SLC7A11: variants seen among roughly 807,000 people sequenced by gnomAD.
SLC7A11 encodes the protein solute carrier family 7 member 11.
Under a neutral mutation model 54.5 loss-of-function variants are expected in SLC7A11, and 35 were observed. The ratio of observed to expected loss-of-function variants is 0.64; its 90% CI spans 0.49 to 0.85. SLC7A11 has a LOEUF of 0.85. Among genes scored for constraint, SLC7A11 ranks in the 40% least tolerant of loss-of-function variants. SLC7A11 has a pLI of 0.00. For synonymous variants in SLC7A11, 230 were observed against 225.2 expected (o/e 1.02, Z -0.19); for missense variants, 583 against 618.1 (o/e 0.94, Z 0.60).
At position 138,171,869 on chromosome 4, in the gene SLC7A11, A is replaced by G; in HGVS notation, c.*87T>C. 6.6e-7 allele frequency: 1 copy of G among 1,510,260 alleles called. No individual in the cohort carries two copies. The highest frequency in any genetic ancestry group is 8.8e-7 in the Non-Finnish European group (1 of 1,133,192). The allele number at this position is 1,510,260 out of a possible 1,614,324, so 93.6% of individuals were successfully genotyped here. On this transcript the variant is annotated 3_prime_UTR_variant, in exon 12 of 12. Coordinates refer to ENST00000280612, the MANE Select transcript of SLC7A11 (RefSeq NM_014331.4). Reference sequence around the variant, plus strand: ...TCCTTTTGTTTATCACCAAAGTTGTAATTCTCTAGACTTTCAGAAAATGAA... The same window carrying G: ...TCCTTTTGTTTATCACCAAAGTTGTGATTCTCTAGACTTTCAGAAAATGAA...
intron 6 of SLC7A11, among the ~76,000 whole-genome samples, chr4:138,210,828 G>A (rs776468888): frequency 6.6e-6 from 1 of 151,990 alleles, no homozygotes; most frequent in Non-Finnish European, 1.5e-5. Flanking sequence ...TCTGTGGAAA[G>A]AAGTTGCGAG....
At chr4:138,172,145 G>A in intron 11 of SLC7A11, 128 bp from the exon 12 acceptor site, 6 of 942,664 alleles carry the variant, frequency 6.4e-6, no homozygotes, top group Non-Finnish European at 8.8e-6. Flanking sequence ...GCACTTTCAA[G>A]AATTATTTAC....
rs1364984898 is a variant in SLC7A11 at position 138,179,330 on chromosome 4, T to C, written c.1331A>G (p.Tyr444Cys). The C allele has an allele frequency of 6.2e-7, 1 of 1,612,574 alleles. No individual in the cohort carries two copies. The highest frequency in any genetic ancestry group is 1.1e-5 in the South Asian group (1 of 91,022). Residue 444 changes from tyrosine to cysteine, a missense_variant, in exon 11 of 12, where the codon TAT (tyrosine) becomes TGT (cysteine). Physicochemically the swap from Tyr to Cys is radical, Grantham distance 194. Coordinates refer to ENST00000280612, the MANE Select transcript of SLC7A11 (RefSeq NM_014331.4). ...TCLFMVALSL[Y>C]SDPFSTGIGF... The stretch of plus-strand genomic sequence containing the variant: ...AATCCCTGTACTAAATGGGTCCGAA[T>C]AGAGGGAAAGGGCAACCATGAAGAG...
At chr4:138,237,262 CAGGTGTG>C (rs1738235188) in intron 1 of SLC7A11, among the ~76,000 whole-genome samples, 4 of 152,038 alleles carry the variant, frequency 2.6e-5, no homozygotes, top group Admixed American at 2.6e-4. Flanking sequence ...TCTGGGATTA[CAGGTGTG>C]AGCCACTGTG....
intron 10 of SLC7A11, among the ~76,000 whole-genome samples, chr4:138,179,877 A>G (rs1477058742): frequency 6.6e-6 from 1 of 152,174 alleles, no homozygotes; most frequent in African/African-American, 2.4e-5. Context: ...GAATAAAACA[A>G]GCCAACTCCT....
At chr4:138,188,330 T>G (rs1736925756) in intron 6 of SLC7A11, among the ~76,000 whole-genome samples, 1 of 152,304 alleles carries the variant, frequency 6.6e-6, no homozygotes, top group Admixed American at 6.5e-5. Context: ...ACCAAAGTGA[T>G]GGGATTACAG....
intron 1 of SLC7A11, among the ~76,000 whole-genome samples, chr4:138,239,239 C>T (rs1007613615): frequency 1.3e-5 from 2 of 152,116 alleles, no homozygotes; most frequent in African/African-American, 4.8e-5. Flanking sequence ...CCTCTATATG[C>T]TTTACTGAAA....
At chr4:138,212,532 C>A (rs1182767801) in intron 6 of SLC7A11, among the ~76,000 whole-genome samples, 2 of 150,230 alleles carry the variant, frequency 1.3e-5, no homozygotes, top group African/African-American at 2.4e-5. Flanking sequence ...TGAATCAATA[C>A]ATCACCATCA....
intron 6 of SLC7A11, among the ~76,000 whole-genome samples, chr4:138,202,939 T>G (rs1459845649): frequency 1.3e-5 from 2 of 152,130 alleles, no homozygotes; most frequent in Non-Finnish European, 2.9e-5. Flanking sequence ...ACTCTCTTCC[T>G]TATACCTGCC....
intron 6 of SLC7A11, among the ~76,000 whole-genome samples, chr4:138,204,374 T>C (rs115245292): frequency 0.025 from 3,749 of 152,196 alleles, 66 homozygotes; most frequent in Non-Finnish European, 0.037. Flanking sequence ...ATCAATCTAC[T>C]TGTCAGAAAG....
chr4:138,197,235 C>T (rs1220706603), intron 6 of SLC7A11, among the ~76,000 whole-genome samples: 2 of 151,912 alleles, frequency 1.3e-5, no homozygotes, highest in Non-Finnish European at 2.9e-5. Context: ...AAGGCAATTT[C>T]GATAATTATC....
At chr4:138,175,517 C>T (rs771329694) in intron 11 of SLC7A11, 29 of 152,090 alleles carry the variant, frequency 1.9e-4, no homozygotes, top group Non-Finnish European at 3.8e-4. Context: ...CCTTTTTCCT[C>T]GCGTGAGAAG....
chr4:138,237,741 T>TA (rs1738270759), intron 1 of SLC7A11, among the ~76,000 whole-genome samples: 2 of 13,614 alleles, frequency 1.5e-4, no homozygotes, highest in African/African-American at 5.9e-4. Flanking sequence ...ATATATATTT[T>TA]TTTTTTTTTT....
intron 3 of SLC7A11, among the ~76,000 whole-genome samples, chr4:138,226,062 T>A (rs1171057319): frequency 6.6e-6 from 1 of 152,148 alleles, no homozygotes; most frequent in Non-Finnish European, 1.5e-5. Context: ...TTTGGGATTT[T>A]AAAAAATACT....
intron 6 of SLC7A11, among the ~76,000 whole-genome samples, chr4:138,209,007 A>C (rs1161045621): frequency 6.6e-6 from 1 of 152,052 alleles, no homozygotes; most frequent in East Asian, 1.9e-4. Flanking sequence ...CCACCTACTT[A>C]TAATAGCAGC....
chr4:138,186,254 T>C (rs1337463690), intron 6 of SLC7A11, among the ~76,000 whole-genome samples: 4 of 152,164 alleles, frequency 2.6e-5, no homozygotes, highest in Non-Finnish European at 5.9e-5. Flanking sequence ...TCAGCCATAG[T>C]GCTTATCAGC....
intron 3 of SLC7A11, among the ~76,000 whole-genome samples, chr4:138,226,237 T>C (rs1207806945): frequency 1.3e-5 from 2 of 152,070 alleles, no homozygotes; most frequent in Non-Finnish European, 2.9e-5. Context: ...GAAAACAGTA[T>C]GGAAGTGTCT....
intron 6 of SLC7A11, among the ~76,000 whole-genome samples, chr4:138,192,584 ACT>A (rs1737037105): frequency 8.2e-6 from 1 of 121,400 alleles, no homozygotes; most frequent in South Asian, 2.8e-4. Context: ...TTATATCAAG[ACT>A]TTTTTGTAGC....
chr4:138,236,663 A>G (rs1221972445), intron 1 of SLC7A11, among the ~76,000 whole-genome samples: 2 of 152,220 alleles, frequency 1.3e-5, no homozygotes, highest in Non-Finnish European at 1.5e-5. Flanking sequence ...GATTTAGTGT[A>G]TTCTATTTGA....
Sources: allele counts gnomAD v4.1 joint callset (sites outside exome capture counted in the v4.1 genomes callset), GRCh38; gene constraint gnomAD v4.1.1; transcripts MANE v1.5; gene names NCBI Gene and HGNC (gene_info 2026-07-23, HGNC 2026-07-21).